The following CSMD1 variants were observed in gnomAD, a reference collection of about 807,000 sequenced individuals.
CSMD1 encodes CUB and Sushi multiple domains 1.
In CSMD1, 213 loss-of-function variants were observed where a neutral mutation model predicts 417.5. That is an observed-to-expected ratio of 0.51 (90% CI 0.46 to 0.57). The LOEUF is 0.57. Ranked by LOEUF, CSMD1 falls within the 20% of genes least tolerant of loss-of-function variation. CSMD1 has a pLI of 0.00. For synonymous variants in CSMD1, 2,862 were observed against 1,736.8 expected, an observed-to-expected ratio of 1.65 and a Z score of -16.11; for missense variants, 6,923 against 4,529.7, an observed-to-expected ratio of 1.53 and a Z score of -15.17.
At chr8:4,466,021 G>C (rs1800145552) in intron 2 of CSMD1, among the ~76,000 whole-genome samples, 1 of 152,184 alleles carries the variant, frequency 6.6e-6, no homozygotes, top group African/African-American at 2.4e-5. Flanking sequence ...AATCACATTT[G>C]GATTGACAAA....
At chr8:3,238,946 C>T (rs1799321777) in intron 26 of CSMD1, among the ~76,000 whole-genome samples, 1 of 152,032 alleles carries the variant, frequency 6.6e-6, no homozygotes, top group South Asian at 2.1e-4. Flanking sequence ...AGGAGTATGA[C>T]TAGACAGAAG....
intron 12 of CSMD1, among the ~76,000 whole-genome samples, chr8:3,415,406 G>A (rs1393350836): frequency 6.6e-6 from 1 of 152,198 alleles, no homozygotes; most frequent in African/African-American, 2.4e-5. Context: ...CACCCAGGCT[G>A]GAGTGCAGTG....
intron 2 of CSMD1, among the ~76,000 whole-genome samples, chr8:4,468,789 T>A (rs1035064036): frequency 6.6e-6 from 1 of 152,204 alleles, no homozygotes; most frequent in Non-Finnish European, 1.5e-5. Context: ...GTGTTTTTCA[T>A]ATAATGGATA....
intron 2 of CSMD1, among the ~76,000 whole-genome samples, chr8:4,552,525 T>A (rs1348958141): frequency 1.3e-5 from 2 of 152,100 alleles, no homozygotes; most frequent in Non-Finnish European, 2.9e-5. Context: ...TGGAGAAGAT[T>A]AATGAAGTCA....
chr8:4,058,340 G>A (rs1180317696), intron 3 of CSMD1, among the ~76,000 whole-genome samples: 1 of 152,096 alleles, frequency 6.6e-6, no homozygotes, highest in South Asian at 2.1e-4. Flanking sequence ...CTGTTTGCCT[G>A]TTATTGGTAT....
At chr8:3,853,342 T>G (rs1804046014) in intron 5 of CSMD1, among the ~76,000 whole-genome samples, 1 of 152,204 alleles carries the variant, frequency 6.6e-6, no homozygotes, top group African/African-American at 2.4e-5. Flanking sequence ...CATAACATGC[T>G]CCACAATTTA....
At chr8:3,565,840 G>A (rs550088456) in intron 10 of CSMD1, among the ~76,000 whole-genome samples, 2 of 151,578 alleles carry the variant, frequency 1.3e-5, no homozygotes, top group African/African-American at 4.8e-5. Context: ...CTCCCCAAAT[G>A]ACATGCAAGC....
intron 3 of CSMD1, among the ~76,000 whole-genome samples, chr8:4,090,978 G>C (rs758815962): frequency 2.6e-5 from 4 of 151,526 alleles, no homozygotes; most frequent in African/African-American, 7.3e-5. Context: ...GAGTGCAGCG[G>C]TGCAATCCTG....
intron 15 of CSMD1, among the ~76,000 whole-genome samples, chr8:3,401,222 G>T (rs1053545210): frequency 2.6e-5 from 4 of 152,022 alleles, no homozygotes; most frequent in African/African-American, 9.7e-5. Context: ...AAAAAATTAT[G>T]ATAGTTGAGC....
At chr8:3,523,854 C>T (rs540846974) in intron 10 of CSMD1, among the ~76,000 whole-genome samples, 64 of 148,948 alleles carry the variant, frequency 4.3e-4, no homozygotes, top group East Asian at 1.4e-3. Context: ...CATGTGCATG[C>T]GCATGCACAC....
intron 3 of CSMD1, among the ~76,000 whole-genome samples, chr8:4,295,437 T>C (rs1159530943): frequency 6.9e-6 from 1 of 144,206 alleles, no homozygotes; most frequent in Non-Finnish European, 1.5e-5. Context: ...TCTTAAGATA[T>C]ATATAATCTT....
chr8:4,138,845 A>T (rs73176386), intron 3 of CSMD1, among the ~76,000 whole-genome samples: 44,994 of 152,048 alleles, frequency 0.3, 8,094 homozygotes, highest in Non-Finnish European at 0.39. Context: ...TAGAGAATAA[A>T]GTTAATATAT....
At chr8:4,524,106 A>G (rs922195701) in intron 2 of CSMD1, among the ~76,000 whole-genome samples, 1 of 152,016 alleles carries the variant, frequency 6.6e-6, no homozygotes, top group Non-Finnish European at 1.5e-5. Context: ...CCCAAGAAAA[A>G]ACTCCCCAGG....
chr8:4,758,693 G>A (rs1282103314), intron 1 of CSMD1, among the ~76,000 whole-genome samples: 1 of 152,152 alleles, frequency 6.6e-6, no homozygotes, highest in African/African-American at 2.4e-5. Flanking sequence ...CATCTTACAT[G>A]GCAGCAGGTA....
In CSMD1 at chr8:4,787,235, C is replaced by G. The variant is rs1294850719; in HGVS notation, c.86-149677G>C. The G allele has an allele frequency of 7.9e-6, 4 of 507,886 alleles. No individual in the cohort carries two copies. The Admixed American group carries it at 1.4e-4, about 17-fold the overall frequency. 31.5% of individuals were successfully genotyped at this position (507,886 alleles called of 1,614,324 possible). ...CAGGGGGCGCGCCTGGGGGCCGCGC[C>G]TCCTTCCCCGCCCAGAGATGCTCTC... is the stretch of plus-strand genomic sequence containing the variant. On this transcript the variant is annotated intron_variant, in intron 1 of 69. Coordinates refer to ENST00000635120, the MANE Select transcript of CSMD1 (RefSeq NM_033225.6).
intron 30 of CSMD1, among the ~76,000 whole-genome samples, chr8:3,212,831 C>CTT (rs35152655): frequency 0.31 from 43,471 of 138,428 alleles, 8,856 homozygotes; most frequent in African/African-American, 0.56. Flanking sequence ...TTCTTATATA[C>CTT]TTTTTTTTTT....
chr8:3,479,542 A>T (rs1441585791), intron 11 of CSMD1, among the ~76,000 whole-genome samples: 1 of 152,218 alleles, frequency 6.6e-6, no homozygotes, highest in Non-Finnish European at 1.5e-5. Context: ...GGCCCCCCAA[A>T]GTGCTGGGAT....
At chr8:3,477,340 T>A (rs966635370) in intron 11 of CSMD1, among the ~76,000 whole-genome samples, 1 of 152,224 alleles carries the variant, frequency 6.6e-6, no homozygotes, top group Non-Finnish European at 1.5e-5. Context: ...GATAAAAACT[T>A]GCCTAAAACT....
intron 10 of CSMD1, among the ~76,000 whole-genome samples, chr8:3,494,723 A>G (rs956330154): frequency 6.6e-6 from 1 of 152,190 alleles, no homozygotes; most frequent in Non-Finnish European, 1.5e-5. Flanking sequence ...GTAACAAGAG[A>G]GACGCAGAGG....
Sources: allele counts gnomAD v4.1 joint callset (sites outside exome capture counted in the v4.1 genomes callset), GRCh38; gene constraint gnomAD v4.1.1; transcripts MANE v1.5; gene names NCBI Gene and HGNC (gene_info 2026-07-23, HGNC 2026-07-21).